SPRR2G: variants seen among roughly 807,000 people sequenced by gnomAD.
SPRR2G encodes the protein small proline-rich protein 2G.
In SPRR2G, 1 loss-of-function variant was observed where a neutral mutation model predicts 0.7. The observed-to-expected ratio is 1.49, with a 90% CI of 0.53 to 7.06. SPRR2G has a LOEUF of 7.06. SPRR2G is among the 30% of genes most tolerant of loss of function. The pLI is 0.14. For synonymous variants in SPRR2G, 38 were observed against 33.9 expected (o/e 1.12, Z -0.42); for missense variants, 96 against 88.5 (o/e 1.09, Z -0.34).
the SPRR2G span, among the ~76,000 whole-genome samples, chr1:153,175,573 C>T: frequency 6.6e-6 from 1 of 152,212 alleles, no homozygotes; most frequent in Non-Finnish European, 1.5e-5. Flanking sequence ...GGCAAACTCT[C>T]ATGGATTCTT....
chr1:153,194,987 A>G, the SPRR2G span, among the ~76,000 whole-genome samples: 1 of 152,180 alleles, frequency 6.6e-6, no homozygotes, highest in Non-Finnish European at 1.5e-5. Flanking sequence ...CTAAAGCATA[A>G]AAGTTTATCT....
At chr1:153,161,162 C>A in the SPRR2G span, among the ~76,000 whole-genome samples, 307 of 151,950 alleles carry the variant, frequency 2.0e-3, no homozygotes, top group Non-Finnish European at 3.3e-3. Flanking sequence ...TGCCGCACAC[C>A]AACATGGCAC....
At chr1:153,194,769 GAC>G in the SPRR2G span, among the ~76,000 whole-genome samples, 11 of 152,330 alleles carry the variant, frequency 7.2e-5, no homozygotes, top group East Asian at 2.1e-3. Flanking sequence ...GTTTGGAGTA[GAC>G]ATGGGCAGGC....
the SPRR2G span, among the ~76,000 whole-genome samples, chr1:153,189,650 A>G: frequency 7.0e-3 from 1,067 of 152,346 alleles, 18 homozygotes; most frequent in African/African-American, 0.023. Context: ...AGATTGCCAG[A>G]ACATACAATT....
chr1:153,161,021 C>T, the SPRR2G span, among the ~76,000 whole-genome samples: 1 of 147,592 alleles, frequency 6.8e-6, no homozygotes, highest in Non-Finnish European at 1.5e-5. Flanking sequence ...TGTTCTCACT[C>T]ATAGGTGGGA....
At chr1:153,168,596 C>T in the SPRR2G span, among the ~76,000 whole-genome samples, 812 of 151,772 alleles carry the variant, frequency 5.4e-3, 11 homozygotes, top group Middle Eastern at 0.02. Context: ...TTATATTATC[C>T]GAAATTCTTA....
the SPRR2G span, among the ~76,000 whole-genome samples, chr1:153,167,507 C>A: frequency 2.6e-4 from 39 of 151,560 alleles, no homozygotes; most frequent in African/African-American, 8.2e-4. Context: ...AAAAAGAAAT[C>A]TCTAAACTAG....
At chr1:153,159,097 G>T in the SPRR2G span, among the ~76,000 whole-genome samples, 1 of 152,198 alleles carries the variant, frequency 6.6e-6, no homozygotes, top group East Asian at 1.9e-4. Context: ...CATTGTCTTG[G>T]TGATTAACAT....
chr1:153,157,332 T>C, the SPRR2G span, among the ~76,000 whole-genome samples: 2 of 152,186 alleles, frequency 1.3e-5, no homozygotes, highest in East Asian at 3.8e-4. Flanking sequence ...TGAAAGGATA[T>C]GATATTTGGA....
the SPRR2G span, among the ~76,000 whole-genome samples, chr1:153,194,406 C>A: frequency 2.0e-5 from 3 of 152,322 alleles, no homozygotes; most frequent in Admixed American, 2.0e-4. Context: ...TCATTAAACA[C>A]TTGCTGGGCC....
the SPRR2G span, among the ~76,000 whole-genome samples, chr1:153,166,013 T>G: frequency 6.6e-6 from 1 of 152,192 alleles, no homozygotes; most frequent in African/African-American, 2.4e-5. Context: ...TTGCTTTCTA[T>G]TCAAGGCTCA....
chr1:153,168,181 C>T, the SPRR2G span, among the ~76,000 whole-genome samples: 1 of 152,206 alleles, frequency 6.6e-6, no homozygotes, highest in Non-Finnish European at 1.5e-5. Context: ...ACTGTTGAAG[C>T]ACCATCAGTT....
the SPRR2G span, among the ~76,000 whole-genome samples, chr1:153,158,495 C>T: frequency 6.6e-6 from 1 of 152,240 alleles, no homozygotes; most frequent in South Asian, 2.1e-4. Context: ...TGTGGCTCTG[C>T]ACAGTACAGC....
At chr1:153,153,304 T>C (rs916677199), upstream of SPRR2G, among the ~76,000 whole-genome samples, 72 of 152,154 alleles carry the variant, frequency 4.7e-4, no homozygotes, top group African/African-American at 1.6e-3. Context: ...AATAAATCTG[T>C]GAGTAAATAC....
At chr1:153,154,388 C>G (rs1437225251), upstream of SPRR2G, among the ~76,000 whole-genome samples, 1 of 151,930 alleles carries the variant, frequency 6.6e-6, no homozygotes, top group Non-Finnish European at 1.5e-5. Flanking sequence ...TGGAAGTGGT[C>G]TCTCCTCAAT....
the SPRR2G span, among the ~76,000 whole-genome samples, chr1:153,177,924 T>C: frequency 5.3e-5 from 8 of 152,004 alleles, no homozygotes; most frequent in African/African-American, 1.2e-4. Context: ...AATAGATCAA[T>C]TTAAGAGGAC....
the SPRR2G span, among the ~76,000 whole-genome samples, chr1:153,163,336 TC>T: frequency 2.0e-5 from 3 of 152,306 alleles, no homozygotes; most frequent in Admixed American, 2.0e-4. Context: ...GTCTACACAT[TC>T]CAAAAAGAAG....
intron 1 of SPRR2G, among the ~76,000 whole-genome samples, chr1:153,150,353 A>G (rs1656439967): frequency 6.6e-6 from 1 of 152,202 alleles, no homozygotes; most frequent in Admixed American, 6.5e-5. Flanking sequence ...TGAAAATAAA[A>G]TTGCCTATGA....
chr1:153,190,690 A>G, the SPRR2G span: 1 of 152,234 alleles, frequency 6.6e-6, no homozygotes, highest in Non-Finnish European at 1.5e-5. Flanking sequence ...AAAAAAATTA[A>G]CACATGAAAA....
Sources: gnomAD v4.1 joint callset for allele counts (sites outside exome capture counted in the v4.1 genomes callset) on GRCh38, gnomAD v4.1.1 for gene constraint, MANE v1.5 for transcripts, NCBI Gene and HGNC (gene_info 2026-07-23, HGNC 2026-07-21) for gene names.